PDGFD: variants seen among roughly 807,000 people sequenced by gnomAD.
PDGFD encodes the protein platelet-derived growth factor D.
PDGFD carries 30 observed loss-of-function variants against 44.7 expected under a neutral mutation model. The ratio of observed to expected loss-of-function variants is 0.67; its 90% CI spans 0.50 to 0.91. PDGFD has a LOEUF of 0.91. Among genes scored for constraint, PDGFD ranks in the 40% least tolerant of loss-of-function variants. The pLI is 0.00. For missense variants in PDGFD, 445 were observed against 457.8 expected, an observed-to-expected ratio of 0.97 and a Z score of 0.25; for synonymous variants, 173 against 168.4, an observed-to-expected ratio of 1.03 and a Z score of -0.21.
At position 104,158,608 on chromosome 11, in the gene PDGFD, G is replaced by A. The variant is rs551083088; in HGVS notation, c.124+5196C>T. Among the ~76,000 whole-genome samples the A allele has an allele frequency of 2.3e-3, 357 of 152,230 alleles. 1 individual carries two copies. Among genetic ancestry groups the A allele is most frequent in the African/African-American group, 7.8e-3 (323 of 41,540 alleles). On this transcript the variant is annotated intron_variant, in intron 1 of 6. Coordinates refer to ENST00000393158, the MANE Select transcript of PDGFD (RefSeq NM_025208.5). The stretch of plus-strand genomic sequence containing the variant: ...AGCACTTTGGGAGACCGAGGCCAGC[G>A]GATCACGAGGTCAGGAGATCAAGAC...
Position 104,132,329 on chromosome 11 carries a change from T to A in PDGFD, c.124+31475A>T, listed in dbSNP as rs1861936443. ...CACAGCCTTGACATGTGCATACCTA[T>A]ATGAATTCCAGATATTACTATAAAA... On this transcript the variant is annotated intron_variant, in intron 1 of 6. Transcript: ENST00000393158. 1.3e-5 allele frequency among the ~76,000 whole-genome samples: 2 copies of A among 152,156 alleles called. 1 individual carries two copies. Among genetic ancestry groups the A allele is most frequent in the South Asian group, 4.1e-4 (2 of 4,836 alleles).
chr11:104,139,865 G>A (rs1278350276), intron 1 of PDGFD, among the ~76,000 whole-genome samples: 33 of 45,318 alleles, frequency 7.3e-4, no homozygotes, highest in African/African-American at 4.4e-3. Flanking sequence ...GTGAAACCCC[G>A]TCTCTACTAA....
chr11:103,978,179 A>G (rs1859212173), intron 3 of PDGFD, among the ~76,000 whole-genome samples: 2 of 151,966 alleles, frequency 1.3e-5, no homozygotes, highest in South Asian at 2.1e-4. Flanking sequence ...AATTGAAGGG[A>G]TTTTCTCTTA....
At position 103,908,995 on chromosome 11, in the gene PDGFD, T is replaced by TA. The variant is rs1388752654; in HGVS notation, c.*698dup. On this transcript the variant is annotated 3_prime_UTR_variant, in exon 7 of 7. Coordinates refer to ENST00000393158, the MANE Select transcript of PDGFD (RefSeq NM_025208.5). ...AATAAGCATGCCTCAGCAAAATGCA[T>TA]AAAAAACACAATGATTTAATTTCTA... 8 of 152,306 alleles carry TA rather than the reference T, an allele frequency of 5.3e-5. No individual in the cohort carries two copies. The highest frequency in any genetic ancestry group is 1.4e-4 in the African/African-American group (6 of 41,578). The allele number at this position is 152,306 out of a possible 1,614,324, so 9.4% of individuals were successfully genotyped here.
At chr11:103,994,574 AT>A (rs1485789964) in intron 3 of PDGFD, among the ~76,000 whole-genome samples, 2 of 152,190 alleles carry the variant, frequency 1.3e-5, no homozygotes, top group Non-Finnish European at 2.9e-5. Context: ...AACCAATTAG[AT>A]TTTTTAAAAA....
chr11:103,963,829 ATTTAGCT>A (rs1858975750), intron 3 of PDGFD, among the ~76,000 whole-genome samples: 1 of 152,174 alleles, frequency 6.6e-6, no homozygotes, highest in South Asian at 2.1e-4. Context: ...TTATGCAGGA[ATTTAGCT>A]TGTTCTTGGA....
chr11:104,003,821 A>G (rs1218447999), intron 1 of PDGFD, among the ~76,000 whole-genome samples: 1 of 152,164 alleles, frequency 6.6e-6, no homozygotes, highest in Non-Finnish European at 1.5e-5. Context: ...TGTCCTGAGA[A>G]GGGAAGGTGA....
At chr11:104,129,183 C>T (rs1018387303) in intron 1 of PDGFD, among the ~76,000 whole-genome samples, 1 of 152,048 alleles carries the variant, frequency 6.6e-6, no homozygotes, top group Non-Finnish European at 1.5e-5. Flanking sequence ...TATATTTACC[C>T]AGGAACTAAC....
intron 1 of PDGFD, among the ~76,000 whole-genome samples, chr11:104,017,921 A>G (rs1051718394): frequency 6.6e-6 from 1 of 152,198 alleles, no homozygotes; most frequent in Non-Finnish European, 1.5e-5. Flanking sequence ...TTATATCTCC[A>G]GAAAGATTTG....
chr11:104,078,913 T>C (rs572162346), intron 1 of PDGFD, among the ~76,000 whole-genome samples: 5 of 145,290 alleles, frequency 3.4e-5, no homozygotes, highest in Admixed American at 2.1e-4. Flanking sequence ...TTTAACATTG[T>C]GTAGGCTTAC....
chr11:104,080,689 T>G (rs951002218), intron 1 of PDGFD, among the ~76,000 whole-genome samples: 1 of 152,252 alleles, frequency 6.6e-6, no homozygotes, highest in African/African-American at 2.4e-5. Context: ...TTTGGTAACC[T>G]GTATAACCTG....
At chr11:104,057,484 T>C (rs2134411054) in intron 1 of PDGFD, among the ~76,000 whole-genome samples, 1 of 118,722 alleles carries the variant, frequency 8.4e-6, no homozygotes, top group South Asian at 2.8e-4. Context: ...TGGATACTCA[T>C]GGACACAAAG....
Position 104,140,030 on chromosome 11 carries a change from G to A in PDGFD, c.124+23774C>T, listed in dbSNP as rs1386094909. Reference sequence around the variant, plus strand: ...AGCCGAGATTGCGCCACTGCAGTCCGCAGTCTGGCCTGGGCGACAGAGCGA... The same window carrying A: ...AGCCGAGATTGCGCCACTGCAGTCCACAGTCTGGCCTGGGCGACAGAGCGA... On this transcript the variant is annotated intron_variant, in intron 1 of 6. Transcript: ENST00000393158. Among the ~76,000 whole-genome samples the A allele has an allele frequency of 3.9e-4, 8 of 20,368 alleles. 4 individuals are homozygous for A. Among genetic ancestry groups the A allele is most frequent in the Non-Finnish European group, 5.1e-4 (6 of 11,720 alleles). 13.4% of individuals were successfully genotyped at this position (20,368 alleles called of 152,430 possible).
At chr11:103,982,997 G>T (rs1859296268) in intron 3 of PDGFD, among the ~76,000 whole-genome samples, 1 of 151,734 alleles carries the variant, frequency 6.6e-6, no homozygotes. Flanking sequence ...ACTGCCCAAA[G>T]AAATTTATAG....
At position 104,022,625 on chromosome 11, in the gene PDGFD, T is replaced by C. The variant is rs545917165; in HGVS notation, c.125-22370A>G. Reference sequence around the variant, plus strand: ...AATAAAAGTGATACAGTATTTTGTCTCAGTTTGTTTTTACTATGCTAAGCC... The same window carrying C: ...AATAAAAGTGATACAGTATTTTGTCCCAGTTTGTTTTTACTATGCTAAGCC... On this transcript the variant is annotated intron_variant, in intron 1 of 6. Transcript: ENST00000393158. Among the ~76,000 whole-genome samples the C allele has an allele frequency of 5.3e-5, 8 of 152,202 alleles. 1 individual carries two copies. In the South Asian group the frequency reaches 1.7e-3, roughly 32 times the overall value.
At chr11:103,939,113 G>A (rs1279342262) in intron 5 of PDGFD, among the ~76,000 whole-genome samples, 1 of 152,050 alleles carries the variant, frequency 6.6e-6, no homozygotes, top group African/African-American at 2.4e-5. Context: ...TAGCTTGATG[G>A]GGATGGCATT....
Position 104,149,714 on chromosome 11 carries a change from T to C in PDGFD, c.124+14090A>G, listed in dbSNP as rs953753919. Among the ~76,000 whole-genome samples the C allele has an allele frequency of 2.2e-4, 34 of 152,330 alleles. 1 individual carries two copies. The Middle Eastern group carries it at 0.014, about 61-fold the overall frequency. On this transcript the variant is annotated intron_variant, in intron 1 of 6. Coordinates refer to ENST00000393158, the MANE Select transcript of PDGFD (RefSeq NM_025208.5). ...ATTTATTCATCCCAATTTCAACCCG[T>C]TTATTCCAGTTCCAGGGTCTCAGGT...
At position 104,042,713 on chromosome 11, in the gene PDGFD, T is replaced by C. The variant is rs540986007; in HGVS notation, c.125-42458A>G. 1.2e-4 allele frequency among the ~76,000 whole-genome samples: 18 copies of C among 152,302 alleles called. No homozygotes were observed. In the South Asian group the frequency reaches 3.7e-3, roughly 32 times the overall value. On this transcript the variant is annotated intron_variant, in intron 1 of 6. Transcript: ENST00000393158. ...TCAATGTATTGATGCCTTGTCCAAA[T>C]AAAGCAGACAATTACCAAATAAGCA...
intron 1 of PDGFD, among the ~76,000 whole-genome samples, chr11:104,118,932 T>A (rs1157097705): frequency 1.9e-5 from 2 of 102,638 alleles, no homozygotes; most frequent in Non-Finnish European, 3.5e-5. Context: ...TATATTATTA[T>A]AATATATATT....
Sources: gnomAD v4.1 joint callset for allele counts (sites outside exome capture counted in the v4.1 genomes callset) on GRCh38, gnomAD v4.1.1 for gene constraint, MANE v1.5 for transcripts, NCBI Gene and HGNC (gene_info 2026-07-23, HGNC 2026-07-21) for gene names.